The following MRPL3 variants were observed in gnomAD, a reference collection of about 807,000 sequenced individuals.
MRPL3 encodes the protein large ribosomal subunit protein uL3m.
A neutral mutation model predicts 44.3 loss-of-function variants in MRPL3; 43 were observed. That is an observed-to-expected ratio of 0.97 (90% CI 0.76 to 1.25). The LOEUF (loss-of-function observed/expected upper bound fraction) is 1.25. Among genes scored for constraint, MRPL3 ranks in the 50% most tolerant of loss-of-function variants. MRPL3 has a pLI of 0.00. For synonymous variants in MRPL3, 171 were observed against 152.3 expected, an observed-to-expected ratio of 1.12 and a Z score of -0.91; for missense variants, 406 against 427.6, an observed-to-expected ratio of 0.95 and a Z score of 0.45.
chr3:131,479,324 C>G (rs1007266372), intron 6 of MRPL3: 1 of 297,866 alleles, frequency 3.4e-6, no homozygotes, highest in African/African-American at 2.2e-5. Context: ...AACTGTGTAC[C>G]AAATGGAGAA....
chr3:131,485,146 A>T (rs1934090105), intron 6 of MRPL3, among the ~76,000 whole-genome samples: 1 of 152,210 alleles, frequency 6.6e-6, no homozygotes, highest in African/African-American at 2.4e-5. Flanking sequence ...CTTACAAAAA[A>T]CCAAAAAACA....
rs1559808465 is a variant in MRPL3 at position 131,462,698 on chromosome 3, T to TA, written c.*24dup. The TA allele has an allele frequency of 6.3e-7, 1 of 1,595,312 alleles. No homozygotes were observed. Among genetic ancestry groups the TA allele is most frequent in the South Asian group, 1.1e-5 (1 of 88,484 alleles). On this transcript the variant is annotated 3_prime_UTR_variant, in exon 10 of 10. Transcript: ENST00000264995. Reference sequence around the variant, plus strand: ...GGCTCATCGAAGCTCACAGAATATGTAAGGTTCTGCCACGTCCAAAGATGT... The same window carrying TA: ...GGCTCATCGAAGCTCACAGAATATGTAAAGGTTCTGCCACGTCCAAAGATGT...
intron 4 of MRPL3, among the ~76,000 whole-genome samples, chr3:131,490,376 T>C (rs1934230712): frequency 6.6e-6 from 1 of 152,200 alleles, no homozygotes; most frequent in African/African-American, 2.4e-5. Context: ...TGTGCTCATA[T>C]TTAAATTCTG....
Position 131,490,921 on chromosome 3 carries a change from C to T in MRPL3, c.469-841G>A, listed in dbSNP as rs1934241825. Reference sequence around the variant, plus strand: ...AAATCATGCTGACAGATGAGCTCTCCATACTTTTATTAAAAGCACTAATTC... The same window carrying T: ...AAATCATGCTGACAGATGAGCTCTCTATACTTTTATTAAAAGCACTAATTC... On this transcript the variant is annotated intron_variant, in intron 4 of 9. Transcript: ENST00000264995. 2.0e-5 allele frequency among the ~76,000 whole-genome samples: 3 copies of T among 152,170 alleles called. No individual in the cohort carries two copies. In the South Asian group the frequency reaches 6.2e-4, roughly 32 times the overall value.
rs1243678384 is a variant in MRPL3, at chr3:131,501,419, A to G, written c.277+112T>C. ...AACCACAATAAAACACACGCAGCAC[A>G]TGAAAAATAAATTCAAGAAATGATA... On this transcript the variant is annotated intron_variant, in intron 2 of 9. Coordinates refer to ENST00000264995, the MANE Select transcript of MRPL3 (RefSeq NM_007208.4). 3.1e-6 allele frequency: 3 copies of G among 963,518 alleles called. No individual in the cohort carries two copies. The African/African-American group carries it at 5.0e-5, about 16-fold the overall frequency. The allele number at this position is 963,518 out of a possible 1,614,324, so 59.7% of individuals were successfully genotyped here.
chr3:131,476,926 T>C (rs1288012164), intron 6 of MRPL3, among the ~76,000 whole-genome samples: 2 of 152,212 alleles, frequency 1.3e-5, no homozygotes, highest in Non-Finnish European at 2.9e-5. Context: ...ATAATGGGCA[T>C]GCCTTTTAGT....
chr3:131,484,407 C>T (rs1582711841), intron 6 of MRPL3, among the ~76,000 whole-genome samples: 1 of 152,302 alleles, frequency 6.6e-6, no homozygotes, highest in South Asian at 2.1e-4. Flanking sequence ...CCTACTCAAG[C>T]ATGAGACCCA....
At chr3:131,501,413 C>T in intron 2 of MRPL3, 118 bp downstream of exon 2, 2 of 905,482 alleles carry the variant, frequency 2.2e-6, no homozygotes, top group Admixed American at 4.9e-5. Context: ...AAAACACACG[C>T]AGCACATGAA....
In MRPL3 at chr3:131,491,202, A is replaced by C. The variant is rs530213258; in HGVS notation, c.469-1122T>G. Among the ~76,000 whole-genome samples the C allele has an allele frequency of 3.3e-5, 5 of 152,266 alleles. No individual in the cohort carries two copies. In the East Asian group the frequency reaches 5.8e-4, roughly 18 times the overall value. On this transcript the variant is annotated intron_variant, in intron 4 of 9. Coordinates refer to ENST00000264995, the MANE Select transcript of MRPL3 (RefSeq NM_007208.4). ...TCCTCCCATTCTGTGAACCCAGTTT[A>C]ATCAGCACTTTCAGCTCCTAGCACT...
intron 3 of MRPL3, among the ~76,000 whole-genome samples, chr3:131,498,886 T>C (rs570918403): frequency 2.3e-4 from 35 of 152,214 alleles, no homozygotes; most frequent in African/African-American, 7.5e-4. Context: ...CTCAAAAGTA[T>C]GGTCACCAGA....
intron 1 of MRPL3, 162 bp from the exon 2 acceptor site, chr3:131,501,877 C>G: frequency 1.3e-6 from 2 of 1,542,022 alleles, no homozygotes; most frequent in East Asian, 4.9e-5. Context: ...TTCCTCACTC[C>G]CCACATTCCT....
At chr3:131,468,618 T>A (rs564749756) in intron 8 of MRPL3, among the ~76,000 whole-genome samples, 1 of 151,990 alleles carries the variant, frequency 6.6e-6, no homozygotes, top group Non-Finnish European at 1.5e-5. Context: ...CGTACATAAA[T>A]GGGAGAGAAT....
intron 6 of MRPL3, among the ~76,000 whole-genome samples, chr3:131,473,639 C>T (rs148433465): frequency 3.3e-5 from 5 of 151,826 alleles, no homozygotes; most frequent in Non-Finnish European, 7.4e-5. Context: ...CTACATCTGA[C>T]AAGAGATATC....
chr3:131,490,189 T>C (rs1934224129), intron 4 of MRPL3, 109 bp from the exon 5 acceptor site: 2 of 742,030 alleles, frequency 2.7e-6, no homozygotes, highest in African/African-American at 3.5e-5. Flanking sequence ...AATCAAAGCA[T>C]ACCTTATTCC....
At chr3:131,483,565 C>T (rs1934043629) in intron 6 of MRPL3, among the ~76,000 whole-genome samples, 1 of 152,024 alleles carries the variant, frequency 6.6e-6, no homozygotes, top group Non-Finnish European at 1.5e-5. Flanking sequence ...GTAAATTTAC[C>T]TATTTATCTA....
chr3:131,500,499 A>G lies in MRPL3; in HGVS notation c.300T>C (p.Ile100=). 1 of 1,613,888 alleles carries G rather than the reference A, an allele frequency of 6.2e-7. No homozygotes were observed. The highest frequency in any genetic ancestry group is 8.5e-7 in the Non-Finnish European group (1 of 1,179,860). Reference sequence around the variant, plus strand: ...AAGGCATCATGCCCAGCTTCAAGGCAATAAGACCAACTCTAAAGGAACCTG... The same window carrying G: ...AAGGCATCATGCCCAGCTTCAAGGCGATAAGACCAACTCTAAAGGAACCTG... ...WEPGSFRVGL[I]ALKLGMMPLW... The change falls in exon 3 of 10, where the codon ATT becomes ATC. Residue 100 remains isoleucine (I), a synonymous_variant. Coordinates refer to ENST00000264995, the MANE Select transcript of MRPL3 (RefSeq NM_007208.4).
intron 7 of MRPL3, among the ~76,000 whole-genome samples, chr3:131,470,634 C>A (rs35075758): frequency 2.0e-5 from 3 of 149,642 alleles, no homozygotes; most frequent in East Asian, 2.0e-4. Context: ...ACACACACAC[C>A]CCTCTGTTTC....
At chr3:131,492,493 A>T (rs1270748669) in intron 4 of MRPL3, among the ~76,000 whole-genome samples, 1 of 152,122 alleles carries the variant, frequency 6.6e-6, no homozygotes, top group African/African-American at 2.4e-5. Flanking sequence ...AGAGTCTCAT[A>T]AGGAGCATGC....
intron 9 of MRPL3, among the ~76,000 whole-genome samples, chr3:131,467,154 AAAC>A (rs989317705): frequency 6.6e-6 from 1 of 152,136 alleles, no homozygotes; most frequent in African/African-American, 2.4e-5. Context: ...ATGTCACCAC[AAAC>A]AATAGCAATT....
Sources: gnomAD v4.1 joint callset for allele counts (sites outside exome capture counted in the v4.1 genomes callset) on GRCh38, gnomAD v4.1.1 for gene constraint, MANE v1.5 for transcripts, NCBI Gene and HGNC (gene_info 2026-07-23, HGNC 2026-07-21) for gene names.